CNTN4: variants seen among roughly 807,000 people sequenced by gnomAD.
CNTN4 encodes contactin 4, also known as contactin-4.
In CNTN4, 77 loss-of-function variants were observed where a neutral mutation model predicts 122.5. The observed-to-expected ratio is 0.63, with a 90% confidence interval of 0.52 to 0.76. The LOEUF (loss-of-function observed/expected upper bound fraction) is 0.76, where lower values mean the gene tolerates loss of function less well. CNTN4 is among the 30% of genes least tolerant of loss of function. CNTN4 has a pLI of 0.00. For synonymous variants in CNTN4, 512 were observed against 447.0 expected (o/e 1.15, Z -1.83); for missense variants, 1,256 against 1,259.1 (o/e 1.00, Z 0.04).
intron 3 of CNTN4, among the ~76,000 whole-genome samples, chr3:2,547,894 G>T (rs1005003952): frequency 6.6e-6 from 1 of 152,038 alleles, no homozygotes; most frequent in Non-Finnish European, 1.5e-5. Context: ...AGAGACATGC[G>T]TATTAAAGCT....
At chr3:2,574,891 T>C (rs941913363) in intron 4 of CNTN4, among the ~76,000 whole-genome samples, 7 of 152,030 alleles carry the variant, frequency 4.6e-5, no homozygotes, top group Non-Finnish European at 8.8e-5. Context: ...TCCATAATGT[T>C]AATGAATAAA....
chr3:2,424,189 A>T (rs555974900), intron 3 of CNTN4, among the ~76,000 whole-genome samples: 254 of 145,248 alleles, frequency 1.7e-3, no homozygotes, highest in Non-Finnish European at 3.0e-3. Flanking sequence ...TACATTAGGT[A>T]TGTTTCCTAA....
chr3:2,172,612 C>T (rs2036565743), intron 2 of CNTN4, among the ~76,000 whole-genome samples: 1 of 152,144 alleles, frequency 6.6e-6, no homozygotes, highest in South Asian at 2.1e-4. Context: ...CCGTTTAATA[C>T]TTGGTTAAGT....
chr3:2,303,361 C>T (rs116000380), intron 2 of CNTN4, among the ~76,000 whole-genome samples: 2,003 of 152,128 alleles, frequency 0.013, 54 homozygotes, highest in African/African-American at 0.045. Context: ...TGCTTCCACT[C>T]GTTTCCCCTA....
intron 13 of CNTN4, among the ~76,000 whole-genome samples, chr3:2,938,878 T>C (rs1249095875): frequency 6.6e-6 from 1 of 152,268 alleles, no homozygotes; most frequent in East Asian, 1.9e-4. Flanking sequence ...TAAGTGATCA[T>C]GAAAATATTC....
At chr3:2,104,141 C>G (rs1559244076) in intron 2 of CNTN4, among the ~76,000 whole-genome samples, 1 of 152,080 alleles carries the variant, frequency 6.6e-6, no homozygotes, top group Non-Finnish European at 1.5e-5. Flanking sequence ...TCTTTACTTT[C>G]CCTGAGCCTC....
At chr3:2,366,323 T>C (rs754784144) in intron 3 of CNTN4, among the ~76,000 whole-genome samples, 2 of 152,210 alleles carry the variant, frequency 1.3e-5, no homozygotes, top group South Asian at 4.1e-4. Context: ...AGTCTTTTTA[T>C]AAGTCATCCA....
At chr3:2,904,404 G>T (rs1261062826) in intron 12 of CNTN4, among the ~76,000 whole-genome samples, 1 of 151,966 alleles carries the variant, frequency 6.6e-6, no homozygotes, top group Non-Finnish European at 1.5e-5. Flanking sequence ...TAAAAAGAAA[G>T]AAAAACTTCC....
At chr3:2,851,621 A>G (rs1396086691) in intron 7 of CNTN4, among the ~76,000 whole-genome samples, 1 of 152,218 alleles carries the variant, frequency 6.6e-6, no homozygotes, top group Non-Finnish European at 1.5e-5. Context: ...TCTTACTTGC[A>G]TAGTCTCATT....
chr3:2,745,789 T>G lies in CNTN4; in HGVS notation c.358+92T>G, dbSNP rs948243688. 6 of 1,113,172 alleles carry G rather than the reference T, an allele frequency of 5.4e-6. No individual in the cohort carries two copies. In the Admixed American group the frequency reaches 1.1e-4, roughly 20 times the overall value. 69.0% of individuals were successfully genotyped at this position (1,113,172 alleles called of 1,614,324 possible). On this transcript the variant is annotated intron_variant, in intron 6 of 24. Coordinates refer to ENST00000418658, the MANE Select transcript of CNTN4 (RefSeq NM_175607.3). ...TTTATAGCAGTTTCATTTTAGAGAC[T>G]AGATTTTAATTGGTTACATGATCAT...
At position 3,056,208 on chromosome 3, in the gene CNTN4, G is replaced by T. The variant is rs1701786408; in HGVS notation, c.3069G>T (p.Arg1023Ser). The T allele has an allele frequency of 6.2e-7, 1 of 1,613,512 alleles. No individual in the cohort carries two copies. Among genetic ancestry groups the T allele is most frequent in the Non-Finnish European group, 8.5e-7 (1 of 1,179,566 alleles). The change falls in exon 25 of 25, where the codon AGG becomes AGT. Residue 1023 changes from arginine to serine, a missense_variant. Arg to Ser is a moderately radical substitution (Grantham distance 110). Coordinates refer to ENST00000418658, the MANE Select transcript of CNTN4 (RefSeq NM_175607.3). ...CAATAATGATTTCCCTCACAGCTAG[G>T]TCCAGTTTATGACAAAAGTTATCTG... is the stretch of plus-strand genomic sequence containing the variant. ...ISTIMISLTA[R>S]SSL
chr3:2,587,972 G>A (rs1362920990), intron 4 of CNTN4, among the ~76,000 whole-genome samples: 1 of 152,054 alleles, frequency 6.6e-6, no homozygotes, highest in Admixed American at 6.5e-5. Context: ...TGGAGCACAA[G>A]TGAGCTTTCT....
rs2043734936 is a variant in CNTN4 at position 2,331,798 on chromosome 3, G to A, written c.-144-7380G>A. 2.6e-5 allele frequency among the ~76,000 whole-genome samples: 4 copies of A among 152,316 alleles called. No homozygotes were observed. The South Asian group carries it at 8.3e-4, about 32-fold the overall frequency. On this transcript the variant is annotated intron_variant, in intron 2 of 24. Transcript: ENST00000418658. ...GGTTGAATGAAGGTTGCCAGGTGGA[G>A]ACTGTTTGGGAAAGGGTGCTGAGTG...
intron 2 of CNTN4, among the ~76,000 whole-genome samples, chr3:2,217,401 T>G (rs2038890089): frequency 1.3e-5 from 2 of 152,202 alleles, no homozygotes; most frequent in South Asian, 2.1e-4. Context: ...TTGATGCCAT[T>G]AAAGAACAAG....
At chr3:2,945,203 C>T (rs756205982) in intron 13 of CNTN4, among the ~76,000 whole-genome samples, 12 of 151,928 alleles carry the variant, frequency 7.9e-5, no homozygotes, top group Non-Finnish European at 1.6e-4. Context: ...TGTATGGCAC[C>T]CTTATCATAG....
At chr3:3,011,753 A>T (rs1034910046) in intron 14 of CNTN4, among the ~76,000 whole-genome samples, 2 of 151,890 alleles carry the variant, frequency 1.3e-5, no homozygotes, top group African/African-American at 4.8e-5. Context: ...TTCTTTGGAG[A>T]TTCATGTGAG....
At chr3:2,422,776 C>T (rs180975665) in intron 3 of CNTN4, among the ~76,000 whole-genome samples, 19 of 152,336 alleles carry the variant, frequency 1.2e-4, no homozygotes, top group African/African-American at 3.8e-4. Flanking sequence ...TCTGTTTCCC[C>T]TAATGCCTGA....
At chr3:2,848,880 G>T (rs1053498797) in intron 7 of CNTN4, among the ~76,000 whole-genome samples, 4 of 152,104 alleles carry the variant, frequency 2.6e-5, no homozygotes, top group Non-Finnish European at 5.9e-5. Context: ...GACGACATAG[G>T]TCTATTCCTG....
intron 2 of CNTN4, among the ~76,000 whole-genome samples, chr3:2,244,101 T>C (rs1052496649): frequency 6.6e-6 from 1 of 152,088 alleles, no homozygotes; most frequent in African/African-American, 2.4e-5. Flanking sequence ...TTATATATAC[T>C]ATGTTTTTCC....
Sources: allele counts gnomAD v4.1 joint callset (sites outside exome capture counted in the v4.1 genomes callset), GRCh38; gene constraint gnomAD v4.1.1; transcripts MANE v1.5; gene names NCBI Gene and HGNC (gene_info 2026-07-23, HGNC 2026-07-21).